CALCRL: variants seen among roughly 807,000 people sequenced by gnomAD.
The protein encoded by CALCRL is calcitonin receptor like receptor.
CALCRL carries 27 observed loss-of-function variants against 60.4 expected under a neutral mutation model. The ratio of observed to expected loss-of-function variants is 0.45; its 90% confidence interval spans 0.33 to 0.62. CALCRL has a LOEUF of 0.62. Among genes scored for constraint, CALCRL ranks in the 20% least tolerant of loss-of-function variants. The probability of loss-of-function intolerance (pLI) is 0.03; values close to 1 mark genes in which losing one functional copy is unlikely to be tolerated. For missense variants in CALCRL, 424 were observed against 540.7 expected (o/e 0.78, Z 2.14); for synonymous variants, 190 against 182.6 (o/e 1.04, Z -0.33).
chr2:187,376,004 A>T (rs1042047137), intron 8 of CALCRL, among the ~76,000 whole-genome samples: 1 of 152,208 alleles, frequency 6.6e-6, no homozygotes, highest in Non-Finnish European at 1.5e-5. Context: ...CAAATACTTT[A>T]ACAGATACCA....
chr2:187,435,500 G>T (rs1690596716), intron 1 of CALCRL, among the ~76,000 whole-genome samples: 1 of 152,090 alleles, frequency 6.6e-6, no homozygotes, highest in African/African-American at 2.4e-5. Context: ...CTTCATATGA[G>T]ATTTGGAGAG....
At chr2:187,427,966 A>G (rs1005419281) in intron 1 of CALCRL, among the ~76,000 whole-genome samples, 1 of 152,122 alleles carries the variant, frequency 6.6e-6, no homozygotes, top group Non-Finnish European at 1.5e-5. Context: ...TAAATCTTTA[A>G]TGAAGTCTAC....
intron 1 of CALCRL, among the ~76,000 whole-genome samples, chr2:187,425,161 G>A (rs1180504748): frequency 6.6e-6 from 1 of 151,702 alleles, no homozygotes; most frequent in Non-Finnish European, 1.5e-5. Flanking sequence ...TTAACTGATT[G>A]CTTGTTTCAA....
At chr2:187,397,186 T>C (rs1159065188) in intron 1 of CALCRL, among the ~76,000 whole-genome samples, 1 of 151,760 alleles carries the variant, frequency 6.6e-6, no homozygotes, top group African/African-American at 2.4e-5. Flanking sequence ...CATATTTTCA[T>C]TTATTTGCCG....
intron 5 of CALCRL, among the ~76,000 whole-genome samples, chr2:187,382,683 C>CA (rs1688030166): frequency 6.6e-6 from 1 of 151,708 alleles, no homozygotes; most frequent in Non-Finnish European, 1.5e-5. Flanking sequence ...GAATGTTATC[C>CA]AAAAAAGCAA....
intron 1 of CALCRL, among the ~76,000 whole-genome samples, chr2:187,404,102 A>G (rs1227147695): frequency 6.6e-6 from 1 of 151,822 alleles, no homozygotes; most frequent in Non-Finnish European, 1.5e-5. Context: ...TTCCTGCTAA[A>G]TTGTTGTGCC....
chr2:187,415,295 C>T (rs927691160), intron 1 of CALCRL, among the ~76,000 whole-genome samples: 9 of 152,106 alleles, frequency 5.9e-5, no homozygotes, highest in Non-Finnish European at 1.2e-4. Flanking sequence ...CACATGAAAA[C>T]GGGTTTTGAA....
chr2:187,360,772 C>A, intron 9 of CALCRL, 21 bp from the exon 10 acceptor site: 3 of 1,582,998 alleles, frequency 1.9e-6, no homozygotes, highest in Non-Finnish European at 2.6e-6. Context: ...AAAAAAAACC[C>A]CAATATTTAC....
At position 187,345,334 on chromosome 2, in the gene CALCRL, A is replaced by G. The variant is rs1686230950; in HGVS notation, c.*850T>C. On this transcript the variant is annotated 3_prime_UTR_variant, in exon 15 of 15. Coordinates refer to ENST00000392370, the MANE Select transcript of CALCRL (RefSeq NM_005795.6). ...TCCTTCATTGATTTTCTTTATATAAAATGATTGCTAATTTGTTTATACAGT... is the reference window on the plus strand; with the variant it reads ...TCCTTCATTGATTTTCTTTATATAAGATGATTGCTAATTTGTTTATACAGT... The G allele has an allele frequency of 6.6e-6, 1 of 152,316 alleles. No individual in the cohort carries two copies. The highest frequency in any genetic ancestry group is 2.4e-5 in the African/African-American group (1 of 41,416). The allele number at this position is 152,316 out of a possible 1,614,324, so 9.4% of individuals were successfully genotyped here.
intron 12 of CALCRL, among the ~76,000 whole-genome samples, chr2:187,354,294 G>A (rs1686671729): frequency 6.6e-6 from 1 of 151,902 alleles, no homozygotes; most frequent in Admixed American, 6.6e-5. Context: ...CTATACAGTG[G>A]CTGTAGGACA....
At chr2:187,360,355 C>T (rs1267366168) in intron 10 of CALCRL, among the ~76,000 whole-genome samples, 2 of 151,952 alleles carry the variant, frequency 1.3e-5, no homozygotes, top group Non-Finnish European at 2.9e-5. Flanking sequence ...ATACCCTATT[C>T]ATTGGCATAT....
chr2:187,447,203 G>T (rs527663802), intron 1 of CALCRL, among the ~76,000 whole-genome samples: 1 of 151,754 alleles, frequency 6.6e-6, no homozygotes, highest in Non-Finnish European at 1.5e-5. Flanking sequence ...TTGTTTAATC[G>T]TCTAATATAC....
intron 4 of CALCRL, among the ~76,000 whole-genome samples, chr2:187,384,283 C>T (rs1460270584): frequency 1.3e-5 from 2 of 152,096 alleles, no homozygotes; most frequent in African/African-American, 4.8e-5. Flanking sequence ...ACAAGTAATA[C>T]ATGGAAATGT....
intron 14 of CALCRL, among the ~76,000 whole-genome samples, chr2:187,349,195 G>A (rs1191208171): frequency 6.6e-6 from 1 of 151,644 alleles, no homozygotes; most frequent in Non-Finnish European, 1.5e-5. Flanking sequence ...GATGACTAGA[G>A]TCCCTAGTTT....
chr2:187,412,265 T>C (rs1453858392), intron 1 of CALCRL, among the ~76,000 whole-genome samples: 1 of 152,114 alleles, frequency 6.6e-6, no homozygotes, highest in African/African-American at 2.4e-5. Context: ...TGAACGGGTG[T>C]CATTTCTTAA....
intron 1 of CALCRL, chr2:187,415,402 A>C (rs546393930): frequency 1.5e-5 from 3 of 201,176 alleles, no homozygotes; most frequent in Non-Finnish European, 3.0e-5. Flanking sequence ...CAAACAAAAT[A>C]AAACAAACAG....
chr2:187,409,499 G>T (rs559977031), intron 1 of CALCRL, among the ~76,000 whole-genome samples: 2 of 152,260 alleles, frequency 1.3e-5, no homozygotes, highest in South Asian at 2.1e-4. Flanking sequence ...AGCATAACCT[G>T]CAGTGAAATT....
chr2:187,410,155 A>C (rs1689297926), intron 1 of CALCRL, among the ~76,000 whole-genome samples: 1 of 152,176 alleles, frequency 6.6e-6, no homozygotes, highest in South Asian at 2.1e-4. Context: ...TTGGTTTTGT[A>C]AAGTCAGAAA....
chr2:187,350,112 G>A (rs1353613800), intron 14 of CALCRL, among the ~76,000 whole-genome samples: 1 of 151,594 alleles, frequency 6.6e-6, no homozygotes, highest in African/African-American at 2.4e-5. Context: ...GTGATTAAAT[G>A]CATTGCTGTG....
Sources: allele counts gnomAD v4.1 joint callset (sites outside exome capture counted in the v4.1 genomes callset), GRCh38; gene constraint gnomAD v4.1.1; transcripts MANE v1.5; gene names NCBI Gene and HGNC (gene_info 2026-07-23, HGNC 2026-07-21).